RGPD1: variants seen among roughly 807,000 people sequenced by gnomAD.
The protein encoded by RGPD1 is RANBP2-like and GRIP domain-containing protein 1.
A neutral mutation model predicts 40.6 loss-of-function variants in RGPD1; 7 were observed. The observed-to-expected ratio is 0.17, with a 90% CI of 0.10 to 0.32. The LOEUF (loss-of-function observed/expected upper bound fraction) is 0.32. Among genes scored for constraint, RGPD1 ranks in the 10% least tolerant of loss-of-function variants. The pLI, the probability that RGPD1 is intolerant of heterozygous loss-of-function variation, is 1.00. For missense variants in RGPD1, 50 were observed against 472.5 expected (o/e 0.11, Z 8.29); for synonymous variants, 24 against 167.0 (o/e 0.14, Z 6.60).
At position 86,942,503 on chromosome 2, in the gene RGPD1, ACCTGGCCGGGCG is replaced by A; in HGVS notation, c.72+196_72+207del. Among the ~76,000 whole-genome samples, 2 of 122,060 alleles carry A rather than the reference ACCTGGCCGGGCG, an allele frequency of 1.6e-5. 1 individual carries two copies. Among genetic ancestry groups the A allele is most frequent in the African/African-American group, 6.1e-5 (2 of 32,876 alleles). The allele number at this position is 122,060 out of a possible 152,430, so 80.1% of individuals were successfully genotyped here. ...TGGCCGGGCGGCGGCGGCGGCCTCG[ACCTGGCCGGGCG>A]GCGGCGGCGGCCTCGACCTGGCCGG... On this transcript the variant is annotated intron_variant, in intron 1 of 22. Transcript: ENST00000641458.
At chr2:86,918,541 G>T (rs1474592708) in intron 1 of RGPD1, among the ~76,000 whole-genome samples, 1 of 141,336 alleles carries the variant, frequency 7.1e-6, no homozygotes, top group East Asian at 2.0e-4. Context: ...CTCACTACAG[G>T]CTCTGCCTCC....
rs1677572222 is a variant in RGPD1 at position 86,913,977 on chromosome 2, C to G, written c.72+56C>G. Reference sequence around the variant, plus strand: ...CGACCTGGCGGGGCGGTGGCCTCGACCTGGCCGGGCGGCGGCGGCGGCCTC... The same window carrying G: ...CGACCTGGCGGGGCGGTGGCCTCGAGCTGGCCGGGCGGCGGCGGCGGCCTC... On this transcript the variant is annotated intron_variant, in intron 1 of 22. Coordinates refer to the RGPD1 transcript ENST00000398193. The G allele has an allele frequency of 1.8e-6, 2 of 1,112,224 alleles. 1 individual carries two copies. The highest frequency in any genetic ancestry group is 2.3e-6 in the Non-Finnish European group (2 of 868,962). 68.9% of individuals were successfully genotyped at this position (1,112,224 alleles called of 1,614,324 possible). A position where few individuals can be genotyped will look rare whatever the true frequency, so the allele number is the denominator to read the frequency against.
intron 1 of RGPD1, among the ~76,000 whole-genome samples, chr2:86,942,703 C>A (rs868063265): frequency 1.4e-5 from 2 of 147,778 alleles, no homozygotes; most frequent in East Asian, 4.0e-4. Flanking sequence ...GTGGCCTCGA[C>A]GTGGCCCGGC....
chr2:86,928,216 A>G (rs1678646091), intron 1 of RGPD1, among the ~76,000 whole-genome samples: 1 of 151,098 alleles, frequency 6.6e-6, no homozygotes, highest in Admixed American at 6.6e-5. Flanking sequence ...GATACAAGAC[A>G]ACAATCCAGA....
intron 1 of RGPD1, among the ~76,000 whole-genome samples, chr2:86,942,554 CCTCGACGT>C (rs1399210975): frequency 5.3e-4 from 69 of 129,158 alleles, no homozygotes; most frequent in South Asian, 9.3e-4. Flanking sequence ...GCGGCGGCGG[CCTCGACGT>C]GGCCCGGCGG....
At chr2:86,929,688 T>C (rs1226014298) in intron 1 of RGPD1, among the ~76,000 whole-genome samples, 2 of 94,074 alleles carry the variant, frequency 2.1e-5, no homozygotes, top group African/African-American at 7.4e-5. Context: ...GAGCCCACAC[T>C]CTTTTTTTTT....
chr2:86,929,776 A>G (rs1678782566), intron 1 of RGPD1, among the ~76,000 whole-genome samples: 2 of 139,484 alleles, frequency 1.4e-5, no homozygotes, highest in African/African-American at 5.2e-5. Flanking sequence ...GCGGGGGTAA[A>G]GCTAGCACAG....
chr2:86,914,163 TCGGCCTCGGCCTGGCCGGACGGCGGCGG>T lies in RGPD1; in HGVS notation c.72+261_72+288del, dbSNP rs1461696397. On this transcript the variant is annotated intron_variant, in intron 1 of 22. Coordinates refer to the RGPD1 transcript ENST00000398193. ...GGCGGCGGCGGCGGCGGCGGCGGCCTCGGCCTCGGCCTGGCCGGACGGCGGCGGCGGCCTCGGCCTGGCCGGGCGGCGG... is the reference window on the plus strand; with the variant it reads ...GGCGGCGGCGGCGGCGGCGGCGGCCTCGGCCTCGGCCTGGCCGGGCGGCGG... 2.6e-3 allele frequency among the ~76,000 whole-genome samples: 48 copies of T among 18,536 alleles called. 1 individual carries two copies. The highest frequency in any genetic ancestry group is 3.9e-3 in the Non-Finnish European group (39 of 10,110). The allele number at this position is 18,536 out of a possible 152,430, so 12.2% of individuals were successfully genotyped here.
chr2:86,920,416 A>G (rs535488402), intron 1 of RGPD1, among the ~76,000 whole-genome samples: 2 of 149,336 alleles, frequency 1.3e-5, no homozygotes, highest in Admixed American at 1.4e-4. Flanking sequence ...ATTATCCTCA[A>G]TTTTTCTGTT....
At chr2:86,945,169 A>G (rs1680254058) in intron 1 of RGPD1, among the ~76,000 whole-genome samples, 1 of 152,148 alleles carries the variant, frequency 6.6e-6, no homozygotes, top group Non-Finnish European at 1.5e-5. Context: ...CGTCTCCATT[A>G]AATAAAGTGG....
intron 1 of RGPD1, among the ~76,000 whole-genome samples, chr2:86,923,519 GT>G (rs781467890): frequency 9.2e-4 from 132 of 144,002 alleles, no homozygotes; most frequent in African/African-American, 2.7e-3. Context: ...TCCTTGTGCG[GT>G]TTTTTTTTTT....
In RGPD1 at chr2:86,942,346, GC is replaced by G. The variant is rs1558799150; in HGVS notation, c.72+40del. 1.7e-3 allele frequency: 1,681 copies of G among 1,002,602 alleles called. 82 individuals carry two copies. The highest frequency in any genetic ancestry group is 3.8e-3 in the Middle Eastern group (10 of 2,622). The allele number at this position is 1,002,602 out of a possible 1,614,324, so 62.1% of individuals were successfully genotyped here. On this transcript the variant is annotated intron_variant, in intron 1 of 22. Transcript: ENST00000641458. ...CGAAGAGACCGACGGCCTCGACCTG[GC>G]CGGGCGGCGGCCTCGACCTGGCCGG...
intron 1 of RGPD1, among the ~76,000 whole-genome samples, chr2:86,925,066 C>T (rs1372313323): frequency 2.6e-5 from 4 of 152,208 alleles, no homozygotes; most frequent in Non-Finnish European, 5.9e-5. Context: ...TCATTAGCTG[C>T]TTATGTATCT....
intron 1 of RGPD1, among the ~76,000 whole-genome samples, chr2:86,928,553 A>C (rs2104699126): frequency 6.6e-6 from 1 of 152,274 alleles, no homozygotes; most frequent in African/African-American, 2.4e-5. Context: ...TTTAGGTAAC[A>C]GATGATGATG....
chr2:86,927,232 AACTT>A (rs1558787690), intron 1 of RGPD1, among the ~76,000 whole-genome samples: 1 of 150,214 alleles, frequency 6.7e-6, no homozygotes, highest in African/African-American at 2.5e-5. Context: ...ACTAGCCATT[AACTT>A]ACTTCTGATT....
At chr2:86,942,489 CGGCGGCGGCCTCGACCTGGCCG>C (rs1284007792) in intron 1 of RGPD1, among the ~76,000 whole-genome samples, 181 bp downstream of exon 1, 7 of 125,934 alleles carry the variant, frequency 5.6e-5, no homozygotes, top group African/African-American at 9.3e-5. Context: ...GGCCGGGCGG[CGGCGGCGGCCTCGACCTGGCCG>C]GGCGGCGGCG....
chr2:86,956,007 T>C (rs1233131395), intron 4 of RGPD1, among the ~76,000 whole-genome samples: 1 of 151,246 alleles, frequency 6.6e-6, no homozygotes, highest in Non-Finnish European at 1.5e-5. Context: ...GTTAACACCT[T>C]TCCTGTATCA....
At chr2:86,942,712 G>T (rs954988003) in intron 1 of RGPD1, among the ~76,000 whole-genome samples, 3 of 148,872 alleles carry the variant, frequency 2.0e-5, no homozygotes, top group African/African-American at 7.3e-5. Flanking sequence ...ACGTGGCCCG[G>T]CGGCGGCCTC....
chr2:86,925,737 AT>A (rs1181963650), intron 1 of RGPD1, among the ~76,000 whole-genome samples: 1 of 151,716 alleles, frequency 6.6e-6, no homozygotes, highest in African/African-American at 2.4e-5. Flanking sequence ...AGAATGCATA[AT>A]TTTTTTCTCG....
Sources: allele counts gnomAD v4.1 joint callset (sites outside exome capture counted in the v4.1 genomes callset), GRCh38; gene constraint gnomAD v4.1.1; transcripts MANE v1.5; gene names NCBI Gene and HGNC (gene_info 2026-07-23, HGNC 2026-07-21).